Variants in PCBD2 observed in about 807,000 individuals in gnomAD.
PCBD2 encodes pterin-4-alpha-carbinolamine dehydratase 2.
PCBD2 carries 12 observed loss-of-function variants against 16.4 expected under a neutral mutation model. The observed-to-expected ratio is 0.73, with a 90% confidence interval of 0.47 to 1.19. The LOEUF is 1.19. PCBD2 is among the 50% of genes most tolerant of loss of function. The pLI, the probability that PCBD2 is intolerant of heterozygous loss-of-function variation, is 0.00. For synonymous variants in PCBD2, 58 were observed against 61.8 expected, an observed-to-expected ratio of 0.94 and a Z score of 0.29; for missense variants, 138 against 156.8, an observed-to-expected ratio of 0.88 and a Z score of 0.64.
intron 2 of PCBD2, among the ~76,000 whole-genome samples, chr5:134,935,988 G>A (rs992968179): frequency 6.6e-6 from 1 of 152,118 alleles, no homozygotes; most frequent in Non-Finnish European, 1.5e-5. Context: ...GAAGTGGAAC[G>A]GCAGCCAAGA....
chr5:134,943,399 C>A (rs1039071587), intron 2 of PCBD2, among the ~76,000 whole-genome samples: 10 of 152,036 alleles, frequency 6.6e-5, no homozygotes, highest in Non-Finnish European at 1.5e-4. Flanking sequence ...TGCTTTAGGA[C>A]AAAAAATAAT....
chr5:134,920,399 A>T (rs1750888654), intron 2 of PCBD2, among the ~76,000 whole-genome samples: 1 of 152,178 alleles, frequency 6.6e-6, no homozygotes, highest in Admixed American at 6.5e-5. Context: ...TTGTTGTTTT[A>T]GGCGAGATCT....
intron 2 of PCBD2, among the ~76,000 whole-genome samples, chr5:134,931,338 T>C (rs1751093307): frequency 1.3e-5 from 2 of 152,362 alleles, no homozygotes; most frequent in South Asian, 4.1e-4. Context: ...TGTACACAGG[T>C]AACTCTTAAT....
intron 1 of PCBD2, among the ~76,000 whole-genome samples, chr5:134,909,186 A>T (rs1327997225): frequency 1.3e-5 from 2 of 152,256 alleles, no homozygotes; most frequent in Non-Finnish European, 2.9e-5. Flanking sequence ...GGATGCGTAG[A>T]AACAGGCCAG....
At chr5:134,919,812 A>G (rs1750881016) in intron 2 of PCBD2, among the ~76,000 whole-genome samples, 1 of 152,166 alleles carries the variant, frequency 6.6e-6, no homozygotes, top group African/African-American at 2.4e-5. Context: ...GTTTTTCGTT[A>G]GTATGCCTGC....
intron 2 of PCBD2, among the ~76,000 whole-genome samples, chr5:134,945,227 C>T (rs1751278069): frequency 6.6e-6 from 1 of 152,160 alleles, no homozygotes; most frequent in Non-Finnish European, 1.5e-5. Context: ...TGGTTTAGAG[C>T]CAGTTGCATG....
At chr5:134,922,697 C>CT (rs1246960986) in intron 2 of PCBD2, among the ~76,000 whole-genome samples, 1 of 149,280 alleles carries the variant, frequency 6.7e-6, no homozygotes, top group Non-Finnish European at 1.5e-5. Flanking sequence ...GAGTCTCGCT[C>CT]TGTCACCCAG....
intron 2 of PCBD2, among the ~76,000 whole-genome samples, chr5:134,919,438 T>C (rs1378125537): frequency 3.3e-5 from 5 of 152,246 alleles, no homozygotes; most frequent in Non-Finnish European, 7.3e-5. Flanking sequence ...ATAAGTACCA[T>C]AATTATTATA....
At chr5:134,906,850 A>T (rs1043216904) in intron 1 of PCBD2, among the ~76,000 whole-genome samples, 6 of 152,250 alleles carry the variant, frequency 3.9e-5, no homozygotes, top group Non-Finnish European at 2.9e-5. Context: ...TAGGCCTTAG[A>T]TCTAGTTTAC....
At chr5:134,924,402 G>A in intron 2 of PCBD2, 1 of 396,968 alleles carries the variant, frequency 2.5e-6, no homozygotes, top group Non-Finnish European at 4.4e-6. Flanking sequence ...AAGTGTTTTA[G>A]TGGGGTTGGT....
At position 134,905,173 on chromosome 5, in the gene PCBD2, C is replaced by A. The variant is rs1479883482; in HGVS notation, c.34C>A (p.Arg12=). 3 of 1,223,052 alleles carry A rather than the reference C, an allele frequency of 2.5e-6. No homozygotes were observed. The highest frequency in any genetic ancestry group is 3.1e-5 in the African/African-American group (2 of 63,974). 75.8% of individuals were successfully genotyped at this position (1,223,052 alleles called of 1,614,324 possible). ...AAVLGALGAT[R]RLLAALRGQS... Reference sequence around the variant, plus strand: ...GGTGCTCGGGGCGCTCGGGGCGACGCGGCGCTTGTTGGCGGCGCTGCGAGG... The same window carrying A: ...GGTGCTCGGGGCGCTCGGGGCGACGAGGCGCTTGTTGGCGGCGCTGCGAGG... Residue 12 remains arginine, a synonymous_variant, in exon 1 of 4, where the codon CGG becomes AGG. Coordinates refer to ENST00000254908, the MANE Select transcript of PCBD2 (RefSeq NM_032151.5).
chr5:134,951,713 T>A (rs762377130), intron 2 of PCBD2, among the ~76,000 whole-genome samples: 3 of 152,234 alleles, frequency 2.0e-5, no homozygotes, highest in Non-Finnish European at 4.4e-5. Flanking sequence ...TAACTTAGTT[T>A]TTAATTTGTA....
At chr5:134,928,075 C>T (rs76018701) in intron 2 of PCBD2, 21 of 393,458 alleles carry the variant, frequency 5.3e-5, no homozygotes, top group African/African-American at 3.3e-4. Flanking sequence ...CTAGGCCATA[C>T]GTGTTGGAGA....
chr5:134,940,926 C>G (rs893282482), intron 2 of PCBD2, among the ~76,000 whole-genome samples: 1 of 152,006 alleles, frequency 6.6e-6, no homozygotes, highest in African/African-American at 2.4e-5. Flanking sequence ...TCGAGACCAT[C>G]CTGGCCAACA....
At chr5:134,936,575 G>C (rs1331758260) in intron 2 of PCBD2, among the ~76,000 whole-genome samples, 1 of 152,218 alleles carries the variant, frequency 6.6e-6, no homozygotes, top group East Asian at 1.9e-4. Context: ...AAGCAGAAAC[G>C]TAAGAAACTG....
At chr5:134,942,623 A>T (rs1751242957) in intron 2 of PCBD2, among the ~76,000 whole-genome samples, 2 of 152,204 alleles carry the variant, frequency 1.3e-5, no homozygotes, top group Non-Finnish European at 2.9e-5. Flanking sequence ...GATGATGAAA[A>T]TAAAAAAGTA....
intron 2 of PCBD2, among the ~76,000 whole-genome samples, chr5:134,943,654 A>G (rs1751258438): frequency 6.6e-6 from 1 of 152,172 alleles, no homozygotes; most frequent in African/African-American, 2.4e-5. Context: ...ACAGAGACCC[A>G]CAAGAGACTG....
rs760173801 is a variant in PCBD2, at chr5:134,915,436, ATTTTTTTT to A, written c.216+4991_216+4998del. Among the ~76,000 whole-genome samples, 189 of 114,204 alleles carry A rather than the reference ATTTTTTTT, an allele frequency of 1.7e-3. 7 individuals are homozygous for A. The highest frequency in any genetic ancestry group is 1.0e-3 in the South Asian group (4 of 3,822). The allele number at this position is 114,204 out of a possible 152,430, so 74.9% of individuals were successfully genotyped here. A position where few individuals can be genotyped will look rare whatever the true frequency, so the allele number is the denominator to read the frequency against. ...TCTATTAAAGCCTGATGGGCCTCTA[ATTTTTTTT>A]TTTTTTTTTTTTTTTTTTTTGAGAC... On this transcript the variant is annotated intron_variant, in intron 2 of 3. Transcript: ENST00000254908.
At chr5:134,923,019 A>G (rs905592508) in intron 2 of PCBD2, among the ~76,000 whole-genome samples, 1 of 152,166 alleles carries the variant, frequency 6.6e-6, no homozygotes, top group African/African-American at 2.4e-5. Flanking sequence ...GAACACTTAA[A>G]CTATGGGTCA....
Sources: gnomAD v4.1 joint callset for allele counts (sites outside exome capture counted in the v4.1 genomes callset) on GRCh38, gnomAD v4.1.1 for gene constraint, MANE v1.5 for transcripts, NCBI Gene and HGNC (gene_info 2026-07-23, HGNC 2026-07-21) for gene names.